ACYP2: variants seen among roughly 807,000 people sequenced by gnomAD.
ACYP2 encodes the protein acylphosphatase 2, also known as acylphosphatase-2.
Under a neutral mutation model 11.2 loss-of-function variants are expected in ACYP2, and 12 were observed. That is an observed-to-expected ratio of 1.08 (90% CI 0.69 to 1.74). The LOEUF (loss-of-function observed/expected upper bound fraction) is 1.74, where lower values mean the gene tolerates loss of function less well. ACYP2 is among the 40% of genes most tolerant of loss of function. ACYP2 has a pLI of 0.00. For synonymous variants in ACYP2, 43 were observed against 32.2 expected (o/e 1.33, Z -1.13); for missense variants, 134 against 101.9 (o/e 1.31, Z -1.35).
chr2:54,151,402 G>C (rs1682164945), intron 6 of ACYP2, among the ~76,000 whole-genome samples: 3 of 152,098 alleles, frequency 2.0e-5, no homozygotes, highest in Non-Finnish European at 4.4e-5. Flanking sequence ...GCTTTTCCTT[G>C]CTTTTTCATC....
intron 2 of ACYP2, among the ~76,000 whole-genome samples, chr2:54,045,356 T>C (rs1675458609): frequency 6.6e-6 from 1 of 152,222 alleles, no homozygotes; most frequent in Admixed American, 6.5e-5. Flanking sequence ...ATTCTTTCTC[T>C]GCTGCAAACC....
intron 6 of ACYP2, among the ~76,000 whole-genome samples, chr2:54,155,181 CT>C (rs200720491): frequency 6.6e-6 from 1 of 151,724 alleles, no homozygotes; most frequent in East Asian, 1.9e-4. Flanking sequence ...AATCTTTTCA[CT>C]TTTTTTTCTA....
intron 6 of ACYP2, among the ~76,000 whole-genome samples, chr2:54,193,224 T>C (rs899687129): frequency 6.6e-6 from 1 of 152,220 alleles, no homozygotes; most frequent in African/African-American, 2.4e-5. Context: ...ACCGTACTTT[T>C]TAGTTTTATT....
intron 2 of ACYP2, among the ~76,000 whole-genome samples, chr2:53,977,538 G>T (rs1671553828): frequency 1.3e-5 from 2 of 151,592 alleles, no homozygotes; most frequent in Non-Finnish European, 1.5e-5. Context: ...TTTGAGACCA[G>T]CCTGACCAAC....
chr2:54,163,733 G>A (rs1459652332), intron 6 of ACYP2, among the ~76,000 whole-genome samples: 1 of 152,072 alleles, frequency 6.6e-6, no homozygotes, highest in East Asian at 1.9e-4. Flanking sequence ...GTGGATGCCT[G>A]TAATGTCAGC....
chr2:54,031,217 C>T (rs2104554318), intron 2 of ACYP2, among the ~76,000 whole-genome samples: 1 of 152,138 alleles, frequency 6.6e-6, no homozygotes, highest in East Asian at 1.9e-4. Context: ...TGTTGGTGTG[C>T]TGCACCCATT....
intron 6 of ACYP2, among the ~76,000 whole-genome samples, chr2:54,247,646 CTG>C (rs1328337140): frequency 2.0e-5 from 3 of 152,246 alleles, no homozygotes; most frequent in Admixed American, 6.5e-5. Context: ...TTAGATTCAC[CTG>C]TGTCATAACT....
At chr2:54,157,172 C>T (rs1233655841) in intron 6 of ACYP2, among the ~76,000 whole-genome samples, 4 of 151,910 alleles carry the variant, frequency 2.6e-5, no homozygotes, top group Admixed American at 6.6e-5. Flanking sequence ...CTCTTAATAC[C>T]ATAGTCCTAT....
At chr2:54,276,019 A>G (rs946600350) in intron 6 of ACYP2, among the ~76,000 whole-genome samples, 1 of 152,194 alleles carries the variant, frequency 6.6e-6, no homozygotes, top group African/African-American at 2.4e-5. Context: ...GAACTTAAAT[A>G]GCTTACATGT....
chr2:54,024,598 A>G (rs1023381076), intron 2 of ACYP2, among the ~76,000 whole-genome samples: 3 of 152,226 alleles, frequency 2.0e-5, no homozygotes, highest in African/African-American at 7.2e-5. Context: ...TAAGGTAATA[A>G]AAGCCATATA....
At chr2:54,190,595 C>T (rs750283060) in intron 6 of ACYP2, among the ~76,000 whole-genome samples, 1 of 152,098 alleles carries the variant, frequency 6.6e-6, no homozygotes, top group African/African-American at 2.4e-5. Context: ...TCTTCTGCCT[C>T]TCTTACTGAC....
chr2:54,253,886 A>C (rs998966497), intron 6 of ACYP2: 1 of 152,248 alleles, frequency 6.6e-6, no homozygotes, highest in Non-Finnish European at 1.5e-5. Flanking sequence ...GGACATGACA[A>C]AGAGAGCCAA....
intron 2 of ACYP2, among the ~76,000 whole-genome samples, chr2:54,017,381 G>A (rs7561987): frequency 0.69 from 104,853 of 151,002 alleles, 37,120 homozygotes; most frequent in African/African-American, 0.84. Context: ...CAGCCTCCCA[G>A]GTAGGTGGGA....
At chr2:54,279,961 G>A (rs1284359728) in intron 6 of ACYP2, among the ~76,000 whole-genome samples, 1 of 152,020 alleles carries the variant, frequency 6.6e-6, no homozygotes, top group Non-Finnish European at 1.5e-5. Context: ...CTTCTTCCAT[G>A]CCCATTTTAA....
intron 6 of ACYP2, among the ~76,000 whole-genome samples, chr2:54,219,905 ATTT>A (rs1169547989): frequency 0.016 from 1,179 of 75,820 alleles, 31 homozygotes; most frequent in African/African-American, 0.063. Flanking sequence ...ATATATATAT[ATTT>A]TTTTTTTTTT....
chr2:54,088,504 C>T (rs1373470367), intron 4 of ACYP2, among the ~76,000 whole-genome samples: 3 of 152,164 alleles, frequency 2.0e-5, no homozygotes, highest in African/African-American at 7.2e-5. Flanking sequence ...CTGCCCTCTC[C>T]ATCTCCTCAG....
At chr2:54,007,729 G>A (rs541344917) in intron 2 of ACYP2, among the ~76,000 whole-genome samples, 33 of 152,304 alleles carry the variant, frequency 2.2e-4, no homozygotes, top group Non-Finnish European at 3.4e-4. Flanking sequence ...GTTGGGTGTG[G>A]TAGTGTGTGC....
chr2:54,157,486 T>A (rs982881028), intron 6 of ACYP2, among the ~76,000 whole-genome samples: 2 of 152,228 alleles, frequency 1.3e-5, no homozygotes, highest in Non-Finnish European at 2.9e-5. Context: ...TTCTGCAGTT[T>A]TTTTGCTATT....
intron 4 of ACYP2, among the ~76,000 whole-genome samples, chr2:54,110,026 GC>G (rs1398436672): frequency 6.6e-6 from 1 of 152,090 alleles, no homozygotes; most frequent in Non-Finnish European, 1.5e-5. Flanking sequence ...TGCTTCTCAG[GC>G]TTTCTCTGTT....
Sources: gnomAD v4.1 joint callset for allele counts (sites outside exome capture counted in the v4.1 genomes callset) on GRCh38, gnomAD v4.1.1 for gene constraint, MANE v1.5 for transcripts, NCBI Gene and HGNC (gene_info 2026-07-23, HGNC 2026-07-21) for gene names.